Variants in FSD1L observed in about 807,000 individuals in gnomAD.
The protein encoded by FSD1L is fibronectin type III and SPRY domain containing 1 like.
FSD1L carries 45 observed loss-of-function variants against 71.6 expected under a neutral mutation model. The observed-to-expected ratio is 0.63, with a 90% CI of 0.49 to 0.81. The LOEUF is 0.81. Ranked by LOEUF, FSD1L falls within the 30% of genes least tolerant of loss-of-function variation. FSD1L has a pLI of 0.00. For missense variants in FSD1L, 561 were observed against 618.1 expected, an observed-to-expected ratio of 0.91 and a Z score of 0.98; for synonymous variants, 197 against 207.2, an observed-to-expected ratio of 0.95 and a Z score of 0.42.
rs1380200263 is a variant in FSD1L, at chr9:105,535,294, G to A, written c.1354G>A (p.Gly452Ser). 1 of 1,551,406 alleles carries A rather than the reference G, an allele frequency of 6.4e-7. No homozygotes were observed. Among genetic ancestry groups the A allele is most frequent in the Non-Finnish European group, 8.7e-7 (1 of 1,146,842 alleles). Residue 452 changes from glycine to serine, a missense_variant, in exon 12 of 14, where the codon GGT becomes AGT. Transcript: ENST00000481272. ...ALDVTVPEKIGVFCDFDGGQL... is the reference protein window; with the variant it reads ...ALDVTVPEKISVFCDFDGGQL... ...GGATGTTACTGTTCCTGAAAAAATA[G>A]GTGTATTTTGTGATTTTGATGGGGG...
At chr9:105,462,740 C>T (rs1830792011) in intron 2 of FSD1L, among the ~76,000 whole-genome samples, 2 of 148,086 alleles carry the variant, frequency 1.4e-5, no homozygotes, top group African/African-American at 4.9e-5. Context: ...CCAGGCTGGT[C>T]TCAAACTCCT....
chr9:105,447,721 A>G (rs76107885), upstream of FSD1L: 87 of 178,110 alleles, frequency 4.9e-4, 1 homozygote, highest in East Asian at 0.012. Flanking sequence ...TGCCCCTCGA[A>G]GGATAGTGTG....
At chr9:105,530,906 C>G (rs1835851617) in intron 10 of FSD1L, 2 of 259,968 alleles carry the variant, frequency 7.7e-6, no homozygotes, top group South Asian at 1.5e-4. Context: ...ATATTGTACA[C>G]CTACTCTGTA....
At chr9:105,522,276 A>G in intron 10 of FSD1L, 1 of 1,613,692 alleles carries the variant, frequency 6.2e-7, no homozygotes, top group Non-Finnish European at 8.5e-7. Context: ...AGTTTTAGCT[A>G]GGAATTTATA....
chr9:105,525,371 C>T lies in FSD1L; in HGVS notation c.1026-9122C>T. On this transcript the variant is annotated intron_variant, in intron 10 of 13. Transcript: ENST00000481272. The stretch of plus-strand genomic sequence containing the variant: ...GGAATCTCACTTAATATTCCTGCTC[C>T]ACAACCTGTGTGCATTTCTGAAAAA... 1.9e-6 allele frequency: 3 copies of T among 1,597,556 alleles called. No homozygotes were observed. In the South Asian group the frequency reaches 3.5e-5, roughly 18 times the overall value.
At chr9:105,443,038 T>C (rs1269301022), upstream of FSD1L, among the ~76,000 whole-genome samples, 1 of 152,212 alleles carries the variant, frequency 6.6e-6, no homozygotes, top group Non-Finnish European at 1.5e-5. Context: ...ACAGTTGCTT[T>C]AGTTGTGTCT....
upstream of FSD1L, among the ~76,000 whole-genome samples, chr9:105,445,621 A>G (rs1829624940): frequency 6.6e-6 from 1 of 152,130 alleles, no homozygotes; most frequent in Non-Finnish European, 1.5e-5. Flanking sequence ...TGGGTCCCAT[A>G]GTGGCAAGCA....
At chr9:105,489,718 A>C (rs1489419899) in intron 7 of FSD1L, among the ~76,000 whole-genome samples, 1 of 151,878 alleles carries the variant, frequency 6.6e-6, no homozygotes, top group Non-Finnish European at 1.5e-5. Flanking sequence ...ATGTGTTCTC[A>C]TTGTTCAATT....
At chr9:105,523,091 C>A in intron 10 of FSD1L, 4 of 1,614,036 alleles carry the variant, frequency 2.5e-6, no homozygotes, top group Admixed American at 3.3e-5. Flanking sequence ...CAGGTTCTGG[C>A]CATCATCAGA....
chr9:105,522,965 T>C (rs977722950), intron 10 of FSD1L: 6 of 1,614,002 alleles, frequency 3.7e-6, no homozygotes, highest in Non-Finnish European at 4.2e-6. Flanking sequence ...GCAGTGATCT[T>C]ATCAGCTCAG....
intron 7 of FSD1L, among the ~76,000 whole-genome samples, chr9:105,492,795 T>C (rs1833048586): frequency 6.6e-6 from 1 of 152,204 alleles, no homozygotes; most frequent in African/African-American, 2.4e-5. Flanking sequence ...TCAGTTTCCA[T>C]GTAGTTGAAT....
intron 4 of FSD1L, 56 bp downstream of exon 4, chr9:105,468,380 T>G: frequency 7.5e-7 from 1 of 1,328,328 alleles, no homozygotes; most frequent in Non-Finnish European, 1.0e-6. Context: ...AATCCTTGAT[T>G]TATGATAAGC....
chr9:105,522,054 T>A (rs1466784311), intron 10 of FSD1L: 1 of 1,612,974 alleles, frequency 6.2e-7, no homozygotes, highest in Non-Finnish European at 8.5e-7. Context: ...ATCACAAGCT[T>A]TTCTACAGTT....
At chr9:105,452,357 C>A (rs1451405820) in intron 1 of FSD1L, among the ~76,000 whole-genome samples, 1 of 152,196 alleles carries the variant, frequency 6.6e-6, no homozygotes, top group Non-Finnish European at 1.5e-5. Flanking sequence ...CGGACTGTCA[C>A]AACAGTTCTT....
At chr9:105,502,686 G>T (rs1015332840) in intron 7 of FSD1L, among the ~76,000 whole-genome samples, 1 of 151,866 alleles carries the variant, frequency 6.6e-6, no homozygotes, top group Non-Finnish European at 1.5e-5. Context: ...GATTTAAAAC[G>T]CCGTCTTCTC....
chr9:105,443,369 C>T (rs972180341), upstream of FSD1L, among the ~76,000 whole-genome samples: 1 of 151,958 alleles, frequency 6.6e-6, no homozygotes, highest in Non-Finnish European at 1.5e-5. Flanking sequence ...AAACCATCAG[C>T]TCTCGTGAGG....
chr9:105,539,748 A>G (rs578253741), intron 13 of FSD1L, among the ~76,000 whole-genome samples: 2 of 152,288 alleles, frequency 1.3e-5, no homozygotes, highest in Admixed American at 6.5e-5. Context: ...TCAGTTTTAT[A>G]TAAACAGAAT....
intron 8 of FSD1L, among the ~76,000 whole-genome samples, chr9:105,508,219 C>T (rs1436527207): frequency 6.9e-6 from 1 of 145,300 alleles, no homozygotes; most frequent in African/African-American, 2.6e-5. Flanking sequence ...GCTCTGTCGC[C>T]CAGACTGGTG....
chr9:105,462,269 G>A (rs1030403913), intron 2 of FSD1L, among the ~76,000 whole-genome samples: 2 of 147,914 alleles, frequency 1.4e-5, no homozygotes, highest in Non-Finnish European at 3.0e-5. Flanking sequence ...AGGCTGGAAT[G>A]TAGTGGTGTG....
Sources: gnomAD v4.1 joint callset for allele counts (sites outside exome capture counted in the v4.1 genomes callset) on GRCh38, gnomAD v4.1.1 for gene constraint, MANE v1.5 for transcripts, NCBI Gene and HGNC (gene_info 2026-07-23, HGNC 2026-07-21) for gene names.